The following DTNA variants were observed in gnomAD, a reference collection of about 807,000 sequenced individuals.
DTNA encodes the protein dystrophin-related protein 3.
DTNA carries 43 observed loss-of-function variants against 100.7 expected under a neutral mutation model. The ratio of observed to expected loss-of-function variants is 0.43; its 90% CI spans 0.33 to 0.55. The LOEUF is 0.55. Ranked by LOEUF, DTNA falls within the 20% of genes least tolerant of loss-of-function variation. DTNA has a pLI of 0.04. For missense variants in DTNA, 798 were observed against 953.9 expected (o/e 0.84, Z 2.15); for synonymous variants, 349 against 347.9 (o/e 1.00, Z -0.04).
intron 6 of DTNA, among the ~76,000 whole-genome samples, chr18:34,813,844 A>G (rs2149357087): frequency 6.7e-6 from 1 of 150,020 alleles, no homozygotes; most frequent in East Asian, 1.9e-4. Context: ...TCCATCTCAA[A>G]AAAAAAAAAA....
At chr18:34,827,167 A>C (rs2095876998) in intron 9 of DTNA, among the ~76,000 whole-genome samples, 1 of 152,166 alleles carries the variant, frequency 6.6e-6, no homozygotes, top group Non-Finnish European at 1.5e-5. Flanking sequence ...ATCATCATGG[A>C]GAACACAGAA....
chr18:34,857,233 A>T (rs1000285968), intron 15 of DTNA, among the ~76,000 whole-genome samples: 9 of 152,186 alleles, frequency 5.9e-5, no homozygotes, highest in Non-Finnish European at 1.2e-4. Flanking sequence ...TTCTCACCAC[A>T]CCCACGAAAT....
rs569960670 is a variant in DTNA at position 34,559,539 on chromosome 18, T to C, written c.-2+66025T>C. On this transcript the variant is annotated intron_variant, in intron 1 of 19. Transcript: ENST00000283365. The stretch of plus-strand genomic sequence containing the variant: ...TAATACTACGAAGAGAACACGCTGC[T>C]GTTCTGGACAGGAAATTCAAAAGGA... 9.3e-4 allele frequency among the ~76,000 whole-genome samples: 142 copies of C among 152,278 alleles called. 1 individual carries two copies. Among genetic ancestry groups the C allele is most frequent in the Non-Finnish European group, 1.1e-3 (78 of 68,052 alleles).
chr18:34,536,214 T>C (rs2043695839), intron 1 of DTNA, among the ~76,000 whole-genome samples: 1 of 152,012 alleles, frequency 6.6e-6, no homozygotes, highest in African/African-American at 2.4e-5. Flanking sequence ...TATTGATTGG[T>C]ATGTCATTTG....
At chr18:34,601,911 A>G (rs2051932885) in intron 1 of DTNA, among the ~76,000 whole-genome samples, 1 of 152,220 alleles carries the variant, frequency 6.6e-6, no homozygotes, top group Non-Finnish European at 1.5e-5. Flanking sequence ...AGTAAATGTG[A>G]AATCTTAATG....
chr18:34,746,245 A>G (rs1479578623), intron 1 of DTNA, among the ~76,000 whole-genome samples: 1 of 151,934 alleles, frequency 6.6e-6, no homozygotes, highest in Non-Finnish European at 1.5e-5. Context: ...CCTGCAGATT[A>G]TTTGTTTTTA....
chr18:34,785,069 C>T (rs1490795208), intron 3 of DTNA, among the ~76,000 whole-genome samples: 2 of 151,990 alleles, frequency 1.3e-5, no homozygotes, highest in African/African-American at 2.4e-5. Context: ...CGCCCACCAC[C>T]ACGCCCAGCT....
chr18:34,617,183 A>G (rs749486559), intron 1 of DTNA, among the ~76,000 whole-genome samples: 1 of 152,024 alleles, frequency 6.6e-6, no homozygotes, highest in Non-Finnish European at 1.5e-5. Flanking sequence ...AAGAGTGGGC[A>G]TCCGTGTCTT....
At chr18:34,683,182 A>G (rs987758623) in intron 1 of DTNA, among the ~76,000 whole-genome samples, 4 of 151,968 alleles carry the variant, frequency 2.6e-5, no homozygotes, top group African/African-American at 7.2e-5. Context: ...TCTTTTAGTA[A>G]TGGTTGTTTG....
At chr18:34,702,407 A>G (rs2081502743) in intron 1 of DTNA, among the ~76,000 whole-genome samples, 4 of 152,240 alleles carry the variant, frequency 2.6e-5, no homozygotes, top group African/African-American at 9.6e-5. Context: ...CATTAAAATT[A>G]GTCTTCAGCA....
intron 18 of DTNA, 64 bp downstream of exon 18, chr18:34,875,462 T>G (rs1226206604): frequency 2.9e-5 from 47 of 1,611,336 alleles, no homozygotes; most frequent in Non-Finnish European, 3.7e-5. Flanking sequence ...CAAGGTCTAT[T>G]GAGTGGTCAA....
At chr18:34,865,217 A>G (rs1488737896) in intron 17 of DTNA, among the ~76,000 whole-genome samples, 1 of 151,646 alleles carries the variant, frequency 6.6e-6, no homozygotes, top group Non-Finnish European at 1.5e-5. Context: ...CAACACACCA[A>G]CATTTGTTGT....
At chr18:34,689,459 G>C (rs1055993848) in intron 1 of DTNA, among the ~76,000 whole-genome samples, 1 of 152,124 alleles carries the variant, frequency 6.6e-6, no homozygotes, top group Non-Finnish European at 1.5e-5. Flanking sequence ...GTTTTCCTGG[G>C]TATCACCAGT....
intron 1 of DTNA, among the ~76,000 whole-genome samples, chr18:34,645,384 A>T (rs2059720984): frequency 6.6e-6 from 1 of 152,134 alleles, no homozygotes; most frequent in African/African-American, 2.4e-5. Flanking sequence ...AGTTGGCAAA[A>T]GCTGAGAATG....
intron 1 of DTNA, among the ~76,000 whole-genome samples, chr18:34,619,175 T>G (rs1292881784): frequency 6.6e-6 from 1 of 152,206 alleles, no homozygotes; most frequent in Admixed American, 6.5e-5. Context: ...TTAGCATTGC[T>G]AAAGCCTAAG....
At chr18:34,589,356 T>C (rs191042325) in intron 1 of DTNA, among the ~76,000 whole-genome samples, 100 of 152,178 alleles carry the variant, frequency 6.6e-4, no homozygotes, top group African/African-American at 2.4e-3. Flanking sequence ...GAGTACCTAA[T>C]AATCCACTTC....
chr18:34,829,956 T>TC (rs538682127), intron 11 of DTNA, among the ~76,000 whole-genome samples: 2 of 152,180 alleles, frequency 1.3e-5, no homozygotes, highest in East Asian at 1.9e-4. Flanking sequence ...TGGTCCATTT[T>TC]CCCCCCAGGG....
chr18:34,785,837 T>C (rs1025594736), intron 3 of DTNA, among the ~76,000 whole-genome samples: 1 of 137,166 alleles, frequency 7.3e-6, no homozygotes, highest in African/African-American at 2.7e-5. Flanking sequence ...GGACCTATTT[T>C]GTACACTCCA....
At chr18:34,535,345 C>T (rs914687144) in intron 1 of DTNA, among the ~76,000 whole-genome samples, 2 of 151,798 alleles carry the variant, frequency 1.3e-5, no homozygotes, top group African/African-American at 4.8e-5. Context: ...ATTGTTTTTT[C>T]TTGTAAATTT....
Sources: gnomAD v4.1 joint callset for allele counts (sites outside exome capture counted in the v4.1 genomes callset) on GRCh38, gnomAD v4.1.1 for gene constraint, MANE v1.5 for transcripts, NCBI Gene and HGNC (gene_info 2026-07-23, HGNC 2026-07-21) for gene names.